POLA1: variants seen among roughly 807,000 people sequenced by gnomAD.
POLA1 encodes DNA polymerase alpha 1, catalytic subunit, also known as DNA polymerase alpha catalytic subunit.
Under a neutral mutation model 124.0 loss-of-function variants are expected in POLA1, and 15 were observed. The ratio of observed to expected loss-of-function variants is 0.12; its 90% CI spans 0.08 to 0.19. The LOEUF (loss-of-function observed/expected upper bound fraction) is 0.19, where lower values mean the gene tolerates loss of function less well. Among genes scored for constraint, POLA1 ranks in the 10% least tolerant of loss-of-function variants. POLA1 has a pLI of 1.00. For missense variants in POLA1, 886 were observed against 1,103.4 expected (o/e 0.80, Z 2.79); for synonymous variants, 408 against 389.4 (o/e 1.05, Z -0.56).
chrX:24,826,122 G>T (rs2046166755), intron 31 of POLA1, among the ~76,000 whole-genome samples: 1 of 112,210 alleles, frequency 8.9e-6, no homozygotes, highest in South Asian at 3.7e-4. Context: ...TATGGCAGGT[G>T]AAATTATTTA....
At chrX:24,778,009 G>C (rs1412476891) in intron 26 of POLA1, among the ~76,000 whole-genome samples, 1 of 112,003 alleles carries the variant, frequency 8.9e-6, no homozygotes, top group Non-Finnish European at 1.9e-5. Flanking sequence ...GTAATACCAA[G>C]TTAAAAGAAA....
At chrX:24,790,009 G>C (rs886960938) in intron 26 of POLA1, among the ~76,000 whole-genome samples, 1 of 112,284 alleles carries the variant, frequency 8.9e-6, no homozygotes, top group African/African-American at 3.2e-5. Flanking sequence ...ATGCAGAAAA[G>C]CAACATAATT....
At position 24,748,937 on chromosome X, in the gene POLA1, A is replaced by C; in HGVS notation, c.2909A>C (p.Tyr970Ser). 3.3e-6 allele frequency: 4 copies of C among 1,204,582 alleles called. No individual in the cohort carries two copies. Among genetic ancestry groups the C allele is most frequent in the Non-Finnish European group, 4.5e-6 (4 of 888,836 alleles). ...ATGTATGGTTGCCTGGGATTTTCCT[A>C]TAGCAGATTTTACGCCAAACCACTG... The part of the protein sequence containing the change: ...NSMYGCLGFS[Y>S]SRFYAKPLAA... The change falls in exon 26 of 37, where the codon TAT becomes TCT. Residue 970 changes from tyrosine to serine, a missense_variant. Physicochemically the swap from Tyr to Ser is moderately radical, Grantham distance 144 (BLOSUM62 -2). Around this residue, in one of 7 missense-constraint regions of POLA1, gnomAD observed 182 missense variants for 252.8 expected, o/e 0.72. Transcript: ENST00000379068.
chrX:24,789,584 G>C (rs1175859864), intron 26 of POLA1, among the ~76,000 whole-genome samples: 1 of 110,953 alleles, frequency 9.0e-6, no homozygotes, highest in African/African-American at 3.3e-5. Flanking sequence ...GGTGATATGT[G>C]TAATGTTCAC....
At position 24,736,998 on chromosome X, in the gene POLA1, G is replaced by T. The variant is rs11573357; in HGVS notation, c.1924-627G>T. ...ATCATGTTCACGTGTTGGAAATTAC[G>T]GAAATGAAAAATCTAGTTGCATTTT... On this transcript the variant is annotated intron_variant, in intron 18 of 36. Transcript: ENST00000379068. 7.8e-3 allele frequency among the ~76,000 whole-genome samples: 867 copies of T among 111,578 alleles called. 11 individuals carry two copies. Among genetic ancestry groups the T allele is most frequent in the African/African-American group, 0.027 (822 of 30,701 alleles).
At chrX:24,857,290 A>G (rs139554404) in intron 34 of POLA1, among the ~76,000 whole-genome samples, 80 of 111,857 alleles carry the variant, frequency 7.2e-4, no homozygotes, top group Non-Finnish European at 1.3e-3. Flanking sequence ...CTCTCTGTTT[A>G]TTCTTTTGCC....
At chrX:24,877,925 T>TG (rs1466351648) in intron 34 of POLA1, among the ~76,000 whole-genome samples, 19 of 107,170 alleles carry the variant, frequency 1.8e-4, no homozygotes, top group Non-Finnish European at 3.1e-4. Flanking sequence ...GTTTTTTTTT[T>TG]TGTTTTTTTT....
At chrX:24,800,136 C>A (rs1288948936) in intron 26 of POLA1, among the ~76,000 whole-genome samples, 1 of 111,714 alleles carries the variant, frequency 9.0e-6, no homozygotes, top group Admixed American at 9.5e-5. Flanking sequence ...GCTGAAAACA[C>A]CCACCTCAAA....
At chrX:24,955,168 T>C (rs2048092617) in intron 36 of POLA1, among the ~76,000 whole-genome samples, 1 of 108,214 alleles carries the variant, frequency 9.2e-6, no homozygotes, top group Non-Finnish European at 1.9e-5. Context: ...TTTTTTTTTT[T>C]CTTCTCTTTT....
At chrX:24,766,044 T>G (rs1006896761) in intron 26 of POLA1, among the ~76,000 whole-genome samples, 4 of 112,648 alleles carry the variant, frequency 3.6e-5, no homozygotes, top group Non-Finnish European at 7.5e-5. Context: ...TTATTTGAAC[T>G]GCTGTATAGT....
intron 36 of POLA1, among the ~76,000 whole-genome samples, chrX:24,993,199 C>T (rs1469522511): frequency 8.9e-6 from 1 of 112,445 alleles, no homozygotes; most frequent in African/African-American, 3.2e-5. Flanking sequence ...GGTGATACTT[C>T]AAGCCATTAG....
At chrX:24,708,368 A>C (rs942228622) in intron 4 of POLA1, among the ~76,000 whole-genome samples, 9 of 90,874 alleles carry the variant, frequency 9.9e-5, no homozygotes, top group Non-Finnish European at 1.7e-4. Context: ...GGCTCATGAA[A>C]ATACTTTTTT....
At chrX:24,796,989 A>T (rs2045618922) in intron 26 of POLA1, among the ~76,000 whole-genome samples, 1 of 111,808 alleles carries the variant, frequency 8.9e-6, no homozygotes, top group South Asian at 3.8e-4. Flanking sequence ...CCCAGTGCCA[A>T]GTCTTGTAGA....
intron 34 of POLA1, among the ~76,000 whole-genome samples, chrX:24,869,013 G>A (rs887017224): frequency 1.8e-5 from 2 of 111,960 alleles, no homozygotes; most frequent in African/African-American, 3.3e-5. Context: ...ACAGCTCACT[G>A]CAGCCTTGAC....
At chrX:24,831,634 T>C (rs1409529398) in intron 32 of POLA1, among the ~76,000 whole-genome samples, 1 of 111,524 alleles carries the variant, frequency 9.0e-6, no homozygotes, top group Non-Finnish European at 1.9e-5. Flanking sequence ...TTGGCCAGGC[T>C]GGTCTCAAAC....
Position 24,756,290 on chromosome X carries a change from G to A in POLA1, c.2964+7298G>A, listed in dbSNP as rs1043413655. ...AAAATACAAAGTTTGGGCCGGGCGC[G>A]GTGGCTCACACCTGTAATCCTAGCG... On this transcript the variant is annotated intron_variant, in intron 26 of 36. Transcript: ENST00000379068. 7.0e-4 allele frequency among the ~76,000 whole-genome samples: 78 copies of A among 111,339 alleles called. 1 individual carries two copies. The highest frequency in any genetic ancestry group is 4.6e-3 in the Middle Eastern group (1 of 217).
At chrX:24,978,678 A>G (rs185452457) in intron 36 of POLA1, among the ~76,000 whole-genome samples, 1 of 112,231 alleles carries the variant, frequency 8.9e-6, no homozygotes, top group African/African-American at 3.2e-5. Context: ...AGCCTGCTCA[A>G]GGTAACATAG....
At chrX:24,754,665 G>A (rs1401899186) in intron 26 of POLA1, among the ~76,000 whole-genome samples, 1 of 111,552 alleles carries the variant, frequency 9.0e-6, no homozygotes, top group Non-Finnish European at 1.9e-5. Context: ...TTTCTTTTTC[G>A]GAGGTAACTT....
At chrX:24,732,597 T>TG in intron 16 of POLA1, 143 bp downstream of exon 16, 2 of 335,831 alleles carry the variant, frequency 6.0e-6, no homozygotes, top group Non-Finnish European at 1.0e-5. Context: ...TTGTTTTTTT[T>TG]TGTTTTTTTT....
Sources: allele counts gnomAD v4.1 joint callset (sites outside exome capture counted in the v4.1 genomes callset), GRCh38; gene constraint gnomAD v4.1.1; regional missense constraint gnomAD v4.1.1; transcripts MANE v1.5; gene names NCBI Gene and HGNC (gene_info 2026-07-23, HGNC 2026-07-21).